Variants in RAE1 observed in about 807,000 individuals in gnomAD.
The protein encoded by RAE1 is ribonucleic acid export 1, also known as mRNA export factor RAE1.
A neutral mutation model predicts 52.7 loss-of-function variants in RAE1; 13 were observed. The ratio of observed to expected loss-of-function variants is 0.25; its 90% CI spans 0.16 to 0.39. The LOEUF is 0.39. RAE1 is among the 10% of genes least tolerant of loss of function. The pLI is 1.00. For missense variants in RAE1, 262 were observed against 459.8 expected (o/e 0.57, Z 3.93); for synonymous variants, 164 against 153.1 (o/e 1.07, Z -0.52).
rs546630484 is a variant in RAE1 at position 57,351,274 on chromosome 20, C to T, written c.-156C>T. On this transcript the variant is annotated 5_prime_UTR_variant, in exon 1 of 12. Coordinates refer to ENST00000395841, the MANE Select transcript of RAE1 (RefSeq NM_003610.4). ...CGCGTTGTTTCCGCGGTAGTCAGGGCAGTTTCTACCGCAGGCTTAAGGAGG... is the reference window on the plus strand; with the variant it reads ...CGCGTTGTTTCCGCGGTAGTCAGGGTAGTTTCTACCGCAGGCTTAAGGAGG... 2 of 985,456 alleles carry T rather than the reference C, an allele frequency of 2.0e-6. No homozygotes were observed. Among genetic ancestry groups the T allele is most frequent in the East Asian group, 1.1e-4 (1 of 8,812 alleles). 61.0% of individuals were successfully genotyped at this position (985,456 alleles called of 1,614,324 possible). A position where few individuals can be genotyped will look rare whatever the true frequency, so the allele number is the denominator to read the frequency against.
intron 1 of RAE1, chr20:57,351,791 C>A: frequency 1.0e-6 from 1 of 985,512 alleles, no homozygotes; most frequent in Non-Finnish European, 1.2e-6. Flanking sequence ...TAGCCTCTTC[C>A]ACGTCAACCT....
In RAE1 at chr20:57,378,408, G is replaced by A. The variant is rs751363795; in HGVS notation, c.*309G>A. Reference sequence around the variant, plus strand: ...ACGTGTTAGAGAATATTGGAAAAGCGTCTGTGAGCCCCGTGCTGTATTTTG... The same window carrying A: ...ACGTGTTAGAGAATATTGGAAAAGCATCTGTGAGCCCCGTGCTGTATTTTG... On this transcript the variant is annotated 3_prime_UTR_variant, in exon 12 of 12. Transcript: ENST00000395841. 6.6e-5 allele frequency: 20 copies of A among 305,050 alleles called. No homozygotes were observed. The highest frequency in any genetic ancestry group is 4.0e-4 in the East Asian group (7 of 17,712). The allele number at this position is 305,050 out of a possible 1,614,324, so 18.9% of individuals were successfully genotyped here. A position where few individuals can be genotyped will look rare whatever the true frequency, so the allele number is the denominator to read the frequency against.
In RAE1 at chr20:57,373,718, G is replaced by C. The variant is rs750041396; in HGVS notation, c.805G>C (p.Ala269Pro). Residue 269 changes from alanine (A) to proline (P), a missense_variant, in exon 10 of 12, where the codon GCT becomes CCT. Transcript: ENST00000395841. The stretch of plus-strand genomic sequence containing the variant: ...TCGATCTAATGGAACCAACACTTCA[G>C]CTCCTCAGGACATTTATGCGGTACG... ...CHRSNGTNTS[A>P]PQDIYAVNGI... 8 of 1,613,822 alleles carry C rather than the reference G, an allele frequency of 5.0e-6. No homozygotes were observed. The highest frequency in any genetic ancestry group is 1.7e-5 in the Admixed American group (1 of 59,994).
chr20:57,368,634 T>C, intron 7 of RAE1, 71 bp from the exon 8 acceptor site: 1 of 1,034,818 alleles, frequency 9.7e-7, no homozygotes, highest in Non-Finnish European at 1.5e-6. Context: ...CAAAAATTGA[T>C]CAAATACATT....
Position 57,354,792 on chromosome 20 carries a change from T to C in RAE1, c.171T>C (p.Leu57=). ...FSPPTLPGNF[L]IAGSWANDVR... is the part of the protein sequence containing the mutation. ...CACCAACCTTGCCGGGGAACTTTCT[T>C]ATTGCAGGATCATGGGCTAATGATG... is the stretch of plus-strand genomic sequence containing the variant. Residue 57 remains leucine, a synonymous_variant, in exon 3 of 12, where the codon CTT becomes CTC. Coordinates refer to ENST00000395841, the MANE Select transcript of RAE1 (RefSeq NM_003610.4). The C allele has an allele frequency of 1.2e-6, 2 of 1,603,914 alleles. No homozygotes were observed. The highest frequency in any genetic ancestry group is 2.2e-5 in the South Asian group (2 of 89,800).
chr20:57,357,971 G>A (rs1415840968), intron 4 of RAE1: 1 of 150,002 alleles, frequency 6.7e-6, no homozygotes, highest in South Asian at 2.1e-4. Context: ...GTGGGCCACA[G>A]CTCATAGTGC....
In RAE1 at chr20:57,369,537, C is replaced by T. The variant is rs368666240; in HGVS notation, c.642+725C>T. On this transcript the variant is annotated intron_variant, in intron 8 of 11. Coordinates refer to ENST00000395841, the MANE Select transcript of RAE1 (RefSeq NM_003610.4). The stretch of plus-strand genomic sequence containing the variant: ...ATAGCTTTTCAGCTATTATTTCCAG[C>T]CCTTCTGTATAGCCATCTTGAAATA... Among the ~76,000 whole-genome samples the T allele has an allele frequency of 8.5e-5, 13 of 152,356 alleles. No individual in the cohort carries two copies. The South Asian group carries it at 2.7e-3, about 32-fold the overall frequency.
At position 57,378,146 on chromosome 20, in the gene RAE1, C is replaced by A; in HGVS notation, c.*47C>A. ...CCAGAGTTGTTTCTCTCCACTCTGC[C>A]TCATCTCTGTACGAATTTGGGTCCC... On this transcript the variant is annotated 3_prime_UTR_variant, in exon 12 of 12. Transcript: ENST00000395841. 6.8e-7 allele frequency: 1 copy of A among 1,466,452 alleles called. No homozygotes were observed. The highest frequency in any genetic ancestry group is 9.4e-7 in the Non-Finnish European group (1 of 1,064,618). 90.8% of individuals were successfully genotyped at this position (1,466,452 alleles called of 1,614,324 possible).
chr20:57,351,506 C>T (rs890731403), intron 1 of RAE1, 84 bp downstream of exon 1: 30 of 985,372 alleles, frequency 3.0e-5, no homozygotes, highest in African/African-American at 7.0e-5. Flanking sequence ...GAGCGCGCTT[C>T]TGCGGGATGC....
At chr20:57,357,181 G>A (rs1006697926) in intron 4 of RAE1, among the ~76,000 whole-genome samples, 17 of 152,212 alleles carry the variant, frequency 1.1e-4, no homozygotes, top group African/African-American at 4.1e-4. Flanking sequence ...AGCTCTGTGA[G>A]TGTTAAGAAA....
intron 7 of RAE1, 115 bp downstream of exon 7, chr20:57,367,194 A>G (rs2066967637): frequency 1.1e-6 from 1 of 899,830 alleles, no homozygotes; most frequent in African/African-American, 1.7e-5. Context: ...TGCTAGCTTT[A>G]GTAATAGATA....
At chr20:57,351,476 G>T in intron 1 of RAE1, 54 bp downstream of exon 1, 1 of 985,480 alleles carries the variant, frequency 1.0e-6, no homozygotes, top group Non-Finnish European at 1.2e-6. Context: ...GGCTCCCGCA[G>T]AGGCCGAGTT....
At chr20:57,358,037 C>T (rs1440386063) in intron 4 of RAE1, 1 of 151,088 alleles carries the variant, frequency 6.6e-6, no homozygotes, top group Non-Finnish European at 1.5e-5. Context: ...AATAGATAGA[C>T]GGCTAGGCTT....
chr20:57,367,197 AATAGAT>A, intron 7 of RAE1, 118 bp downstream of exon 7: 1 of 882,204 alleles, frequency 1.1e-6, no homozygotes, highest in Admixed American at 2.7e-5. Context: ...TAGCTTTAGT[AATAGAT>A]ATAAAGGATC....
chr20:57,351,703 C>T (rs1050135261), intron 1 of RAE1: 8 of 985,506 alleles, frequency 8.1e-6, no homozygotes, highest in Non-Finnish European at 9.6e-6. Flanking sequence ...CCCCCTTACA[C>T]GTCTGGCGTC....
chr20:57,357,404 A>G (rs2066806356), intron 4 of RAE1: 1 of 152,136 alleles, frequency 6.6e-6, no homozygotes, highest in Non-Finnish European at 1.5e-5. Flanking sequence ...ACGTATGGTG[A>G]TTGTTTTGTC....
chr20:57,363,542 C>T (rs1666173496), intron 4 of RAE1, among the ~76,000 whole-genome samples: 1 of 152,046 alleles, frequency 6.6e-6, no homozygotes, highest in Non-Finnish European at 1.5e-5. Context: ...GATGGCACAT[C>T]CCTATAGTCC....
chr20:57,352,921 C>T (rs1156325959), intron 1 of RAE1, among the ~76,000 whole-genome samples: 1 of 152,236 alleles, frequency 6.6e-6, no homozygotes, highest in African/African-American at 2.4e-5. Context: ...GTGTGGCCGG[C>T]AAGGACCACA....
chr20:57,352,083 A>C (rs2066718418), intron 1 of RAE1: 1 of 699,056 alleles, frequency 1.4e-6, no homozygotes, highest in Non-Finnish European at 1.8e-6. Flanking sequence ...ATGTGATGGA[A>C]GATTAGATAT....
Sources: gnomAD v4.1 joint callset for allele counts (sites outside exome capture counted in the v4.1 genomes callset) on GRCh38, gnomAD v4.1.1 for gene constraint, MANE v1.5 for transcripts, NCBI Gene and HGNC (gene_info 2026-07-23, HGNC 2026-07-21) for gene names.